Variants in PCDHGC4 observed in about 807,000 individuals in gnomAD.
PCDHGC4 encodes the protein protocadherin gamma subfamily C, 4.
PCDHGC4 carries 15 observed loss-of-function variants against 59.7 expected under a neutral mutation model. That is an observed-to-expected ratio of 0.25 (90% CI 0.17 to 0.39). PCDHGC4 has a LOEUF of 0.39. Ranked by LOEUF, PCDHGC4 falls within the 10% of genes least tolerant of loss-of-function variation. The pLI, the probability that PCDHGC4 is intolerant of heterozygous loss-of-function variation, is 1.00. For missense variants in PCDHGC4, 1,016 were observed against 1,189.5 expected, an observed-to-expected ratio of 0.85 and a Z score of 2.15; for synonymous variants, 434 against 481.4, an observed-to-expected ratio of 0.90 and a Z score of 1.29.
chr5:141,490,106 T>C lies in PCDHGC4; in HGVS notation c.2442+2491T>C, dbSNP rs1314489019. On this transcript the variant is annotated intron_variant, in intron 1 of 3. Coordinates refer to ENST00000306593, the MANE Select transcript of PCDHGC4 (RefSeq NM_018928.3). The surrounding 1 kb of genome is among the most constrained non-coding windows in gnomAD (Gnocchi z 5.4). ...TTTGGAGACCACACATCTGAGGCAG[T>C]GCGGAACCTCTTTGGCCTAGACCCT... 2.5e-6 allele frequency: 4 copies of C among 1,614,246 alleles called. No homozygotes were observed. Among genetic ancestry groups the C allele is most frequent in the South Asian group, 1.1e-5 (1 of 91,086 alleles).
At chr5:141,502,891 C>G (rs2099816930) in intron 2 of PCDHGC4, among the ~76,000 whole-genome samples, 1 of 117,990 alleles carries the variant, frequency 8.5e-6, no homozygotes, top group African/African-American at 3.4e-5. Context: ...GACAGGGAGT[C>G]TAGCTCTGTT....
Position 141,485,626 on chromosome 5 carries a change from T to A in PCDHGC4, c.453T>A (p.Arg151=), listed in dbSNP as rs2099616815. 6.2e-7 allele frequency: 1 copy of A among 1,611,740 alleles called. No individual in the cohort carries two copies. The change falls in exon 1 of 4, where the codon CGT becomes CGA. Residue 151 remains arginine, a synonymous_variant. Coordinates refer to ENST00000306593, the MANE Select transcript of PCDHGC4 (RefSeq NM_018928.3). This position sits in a 1 kb window ranked among gnomAD's most constrained non-coding sequence, Gnocchi z 5.7. The part of the protein sequence containing the change: ...EIGEAAPPGQ[R]FPLEKAQDAD... Reference sequence around the variant, plus strand: ...GGGAGGCAGCTCCTCCAGGACAGCGTTTCCCGTTGGAAAAGGCTCAGGATG... The same window carrying A: ...GGGAGGCAGCTCCTCCAGGACAGCGATTCCCGTTGGAAAAGGCTCAGGATG...
At chr5:141,505,154 C>T (rs1443235547) in intron 2 of PCDHGC4, among the ~76,000 whole-genome samples, 2 of 152,028 alleles carry the variant, frequency 1.3e-5, no homozygotes, top group Non-Finnish European at 2.9e-5. Flanking sequence ...AGAGTAAGAC[C>T]CTGTCTAAAA....
In PCDHGC4 at chr5:141,494,836, C is replaced by G. The variant is rs1016713543; in HGVS notation, c.2472C>G (p.Phe824Leu). ...CCCCGCCCAACACGGACTGGCGTTT[C>G]TCTCAGGCCCAGAGACCCGGCACCA... ...EQAPPNTDWR[F>L]SQAQRPGTSG... The change falls in exon 2 of 4, where the codon TTC (phenylalanine) becomes TTG (leucine). Residue 824 changes from phenylalanine (F) to leucine (L), a missense_variant. Phe to Leu is a conservative substitution (Grantham distance 22, BLOSUM62 0). Coordinates refer to ENST00000306593, the MANE Select transcript of PCDHGC4 (RefSeq NM_018928.3). 1.9e-6 allele frequency: 3 copies of G among 1,614,054 alleles called. No individual in the cohort carries two copies. The highest frequency in any genetic ancestry group is 2.7e-5 in the African/African-American group (2 of 74,932).
At position 141,489,728 on chromosome 5, in the gene PCDHGC4, G is replaced by T; in HGVS notation, c.2442+2113G>T. ...GACAGTGCCCAGGATCCGGATGTGGGCACCAATACTGTGAGCTTTTACACT... is the reference window on the plus strand; with the variant it reads ...GACAGTGCCCAGGATCCGGATGTGGTCACCAATACTGTGAGCTTTTACACT... On this transcript the variant is annotated intron_variant, in intron 1 of 3. Transcript: ENST00000306593. The surrounding 1 kb of genome is among the most constrained non-coding windows in gnomAD (Gnocchi z 4.5). The T allele has an allele frequency of 3.1e-6, 5 of 1,614,138 alleles. No homozygotes were observed. The South Asian group carries it at 5.5e-5, about 18-fold the overall frequency.
chr5:141,487,608 G>A lies in PCDHGC4; in HGVS notation c.2435G>A (p.Gly812Glu), dbSNP rs970411391. Residue 812 changes from glycine to glutamate, a missense_variant, in exon 1 of 4, where the codon GGG (glycine) becomes GAG (glutamate). Coordinates refer to ENST00000306593, the MANE Select transcript of PCDHGC4 (RefSeq NM_018928.3). The surrounding 1 kb of genome is among the most constrained non-coding windows in gnomAD (Gnocchi z 5.0). ...TGCCCACCCTCTGATCTTCTCTATG[G>A]GCTAGAGGTGAGACCTTTGCAGGCT... ...PSCPPSDLLY[G>E]LEQAPPNTDW... is the part of the protein sequence containing the mutation. 1 of 1,614,182 alleles carries A rather than the reference G, an allele frequency of 6.2e-7. No individual in the cohort carries two copies. Among genetic ancestry groups the A allele is most frequent in the African/African-American group, 1.3e-5 (1 of 75,050 alleles).
At chr5:141,496,080 C>G (rs2099765822) in intron 2 of PCDHGC4, among the ~76,000 whole-genome samples, 2 of 152,150 alleles carry the variant, frequency 1.3e-5, no homozygotes, top group East Asian at 1.9e-4. Context: ...ACACAACCCC[C>G]CACCCACCAC....
chr5:141,510,995 G>T lies in PCDHGC4; in HGVS notation c.2639G>T (p.Gly880Val). ...STLGGGAGTM[G>V]LSARYGPQFT... is the part of the protein sequence containing the mutation. ...CTGGGAGGGGGTGCCGGCACCATGG[G>T]ATTGAGCGCCCGCTACGGACCCCAG... is the stretch of plus-strand genomic sequence containing the variant. Residue 880 changes from glycine to valine, a missense_variant, in exon 4 of 4, where the codon GGA becomes GTA. Physicochemically the swap from Gly to Val is moderately radical, Grantham distance 109. Coordinates refer to ENST00000306593, the MANE Select transcript of PCDHGC4 (RefSeq NM_018928.3). The T allele has an allele frequency of 6.2e-7, 1 of 1,614,172 alleles. No individual in the cohort carries two copies. Among genetic ancestry groups the T allele is most frequent in the Non-Finnish European group, 8.5e-7 (1 of 1,180,018 alleles).
rs1356739313 is a variant in PCDHGC4, at chr5:141,490,444, A to T, written c.2442+2829A>T. The T allele has an allele frequency of 6.2e-7, 1 of 1,614,194 alleles. No individual in the cohort carries two copies. Among genetic ancestry groups the T allele is most frequent in the Non-Finnish European group, 8.5e-7 (1 of 1,180,034 alleles). On this transcript the variant is annotated intron_variant, in intron 1 of 3. Transcript: ENST00000306593. The surrounding 1 kb of genome is among the most constrained non-coding windows in gnomAD (Gnocchi z 5.4). ...GCCATTTCAGATTAAGCCTTCTGAG[A>T]ACCACTACTCGCTGCTAACCAGCCA...
Position 141,491,944 on chromosome 5 carries a change from C to T in PCDHGC4, c.2443-2863C>T, listed in dbSNP as rs1245968796. ...CGAGGGGAGGTGGGACCGACCCCCACCCCTACACTCAAAAAAGGCCGGGGC... is the reference window on the plus strand; with the variant it reads ...CGAGGGGAGGTGGGACCGACCCCCATCCCTACACTCAAAAAAGGCCGGGGC... On this transcript the variant is annotated intron_variant, in intron 1 of 3. Transcript: ENST00000306593. This position sits in a 1 kb window ranked among gnomAD's most constrained non-coding sequence, Gnocchi z 6.9. The T allele has an allele frequency of 1.8e-6, 2 of 1,120,156 alleles. No individual in the cohort carries two copies. Among genetic ancestry groups the T allele is most frequent in the Non-Finnish European group, 2.4e-6 (2 of 822,072 alleles). The allele number at this position is 1,120,156 out of a possible 1,614,324, so 69.4% of individuals were successfully genotyped here. A position where few individuals can be genotyped will look rare whatever the true frequency, so the allele number is the denominator to read the frequency against.
rs1265422100 is a variant in PCDHGC4 at position 141,490,199 on chromosome 5, C to A, written c.2442+2584C>A. On this transcript the variant is annotated intron_variant, in intron 1 of 3. Transcript: ENST00000306593. This position sits in a 1 kb window ranked among gnomAD's most constrained non-coding sequence, Gnocchi z 5.4. The stretch of plus-strand genomic sequence containing the variant: ...GAGTCACGTTTCTATGAAATTCATG[C>A]AAGAGCCCGTGACCAGGGACAGCCT... The A allele has an allele frequency of 1.9e-6, 3 of 1,614,184 alleles. No homozygotes were observed. The highest frequency in any genetic ancestry group is 2.5e-6 in the Non-Finnish European group (3 of 1,180,024).
intron 2 of PCDHGC4, among the ~76,000 whole-genome samples, chr5:141,503,598 CAA>C (rs765754054): frequency 2.7e-4 from 18 of 65,718 alleles, no homozygotes; most frequent in Admixed American, 6.9e-4. Flanking sequence ...GACTCCAGCT[CAA>C]AAAAAAAAAA....
chr5:141,502,383 G>A (rs941410477), intron 2 of PCDHGC4, among the ~76,000 whole-genome samples: 2 of 151,846 alleles, frequency 1.3e-5, no homozygotes, highest in African/African-American at 4.8e-5. Context: ...CAGGCCAGTT[G>A]TACTTTAAAA....
chr5:141,485,714 G>A lies in PCDHGC4; in HGVS notation c.541G>A (p.Asp181Asn). 6.2e-7 allele frequency: 1 copy of A among 1,614,182 alleles called. No individual in the cohort carries two copies. The highest frequency in any genetic ancestry group is 8.5e-7 in the Non-Finnish European group (1 of 1,180,042). Residue 181 changes from aspartate to asparagine, a missense_variant, in exon 1 of 4, where the codon GAT becomes AAT. By Grantham distance (23) the Asp-to-Asn change is conservative (BLOSUM62 1). Transcript: ENST00000306593. This position sits in a 1 kb window ranked among gnomAD's most constrained non-coding sequence, Gnocchi z 5.7. ...RLSSNEHFAL[D>N]VKKRSDGSLV... ...GAGCTCCAATGAACACTTTGCACTG[G>A]ATGTGAAGAAGCGCAGCGACGGCAG...
At chr5:141,508,029 A>C (rs941166006) in intron 3 of PCDHGC4, 10 of 152,264 alleles carry the variant, frequency 6.6e-5, no homozygotes, top group African/African-American at 2.4e-4. Flanking sequence ...TGCGGTTTGC[A>C]GCTCAGCCAG....
At chr5:141,499,287 C>T (rs896428388) in intron 2 of PCDHGC4, among the ~76,000 whole-genome samples, 3 of 152,184 alleles carry the variant, frequency 2.0e-5, no homozygotes, top group Non-Finnish European at 2.9e-5. Context: ...CTGATGGCTC[C>T]ACACTACCAT....
At chr5:141,495,277 G>A (rs2099760037) in intron 2 of PCDHGC4, among the ~76,000 whole-genome samples, 1 of 152,168 alleles carries the variant, frequency 6.6e-6, no homozygotes, top group African/African-American at 2.4e-5. Context: ...ACCGGAGGAG[G>A]CGGTCCGCAC....
In PCDHGC4 at chr5:141,489,200, G is replaced by A. The variant is rs1483035320; in HGVS notation, c.2442+1585G>A. The A allele has an allele frequency of 2.8e-6, 4 of 1,412,792 alleles. No individual in the cohort carries two copies. The highest frequency in any genetic ancestry group is 3.9e-6 in the Non-Finnish European group (4 of 1,038,374). The allele number at this position is 1,412,792 out of a possible 1,614,324, so 87.5% of individuals were successfully genotyped here. A position where few individuals can be genotyped will look rare whatever the true frequency, so the allele number is the denominator to read the frequency against. On this transcript the variant is annotated intron_variant, in intron 1 of 3. Coordinates refer to ENST00000306593, the MANE Select transcript of PCDHGC4 (RefSeq NM_018928.3). This position sits in a 1 kb window ranked among gnomAD's most constrained non-coding sequence, Gnocchi z 4.5. ...AAGCCCTGGGTCTACCTTGGAGACAGGACAGCACAGACTTACTCTCCACAA... is the reference window on the plus strand; with the variant it reads ...AAGCCCTGGGTCTACCTTGGAGACAAGACAGCACAGACTTACTCTCCACAA...
rs1215626157 is a variant in PCDHGC4, at chr5:141,487,804, GT to G, written c.2442+192del. ...TCGTGAATTAACCAGAGTTGTCACAGTTTAGCATTGGGGGCGGGTCATGCCT... is the reference window on the plus strand; with the variant it reads ...TCGTGAATTAACCAGAGTTGTCACAGTTAGCATTGGGGGCGGGTCATGCCT... On this transcript the variant is annotated intron_variant, in intron 1 of 3. Transcript: ENST00000306593. The surrounding 1 kb of genome is among the most constrained non-coding windows in gnomAD (Gnocchi z 5.0). 15 of 1,451,846 alleles carry G rather than the reference GT, an allele frequency of 1.0e-5. No homozygotes were observed. The highest frequency in any genetic ancestry group is 1.3e-5 in the Non-Finnish European group (14 of 1,072,382). 89.9% of individuals were successfully genotyped at this position (1,451,846 alleles called of 1,614,324 possible).
Sources: allele counts gnomAD v4.1 joint callset (sites outside exome capture counted in the v4.1 genomes callset), GRCh38; gene constraint gnomAD v4.1.1; non-coding constraint Gnocchi (gnomAD v3.1); transcripts MANE v1.5; gene names NCBI Gene and HGNC (gene_info 2026-07-23, HGNC 2026-07-21).